The following UBE2QL1 variants were observed in gnomAD, a reference collection of about 807,000 sequenced individuals.
UBE2QL1 encodes the protein ubiquitin conjugating enzyme E2 QL1, also known as ubiquitin-conjugating enzyme E2Q-like protein 1.
Under a neutral mutation model 12.6 loss-of-function variants are expected in UBE2QL1, and 5 were observed. That is an observed-to-expected ratio of 0.40 (90% CI 0.21 to 0.83). The LOEUF (loss-of-function observed/expected upper bound fraction) is 0.83, where lower values mean the gene tolerates loss of function less well. UBE2QL1 is among the 40% of genes least tolerant of loss of function. The probability of loss-of-function intolerance (pLI) is 0.37; values close to 1 mark genes in which losing one functional copy is unlikely to be tolerated. For synonymous variants in UBE2QL1, 96 were observed against 94.5 expected, an observed-to-expected ratio of 1.02 and a Z score of -0.10; for missense variants, 99 against 222.6, an observed-to-expected ratio of 0.44 and a Z score of 3.53.
intron 1 of UBE2QL1, among the ~76,000 whole-genome samples, chr5:6,464,242 C>G (rs1336388620): frequency 1.3e-5 from 2 of 152,196 alleles, no homozygotes; most frequent in African/African-American, 4.8e-5. Context: ...ACATTTGGCA[C>G]CTGCTAACCA....
At chr5:6,457,147 C>A (rs1003619025) in intron 1 of UBE2QL1, among the ~76,000 whole-genome samples, 13 of 151,942 alleles carry the variant, frequency 8.6e-5, no homozygotes, top group Admixed American at 1.3e-4. Flanking sequence ...GCTCAAGTTT[C>A]CCAGCACTGT....
At chr5:6,477,004 C>T (rs1734248236) in intron 1 of UBE2QL1, among the ~76,000 whole-genome samples, 1 of 152,162 alleles carries the variant, frequency 6.6e-6, no homozygotes, top group Non-Finnish European at 1.5e-5. Context: ...ACCACCAGCC[C>T]ACACCAGTGC....
intron 1 of UBE2QL1, among the ~76,000 whole-genome samples, chr5:6,486,315 C>T (rs1245773713): frequency 1.4e-5 from 2 of 144,736 alleles, no homozygotes; most frequent in Admixed American, 6.7e-5. Context: ...CACAAGCACA[C>T]ACACACACAA....
chr5:6,484,629 G>A (rs895973141), intron 1 of UBE2QL1, among the ~76,000 whole-genome samples: 1 of 152,122 alleles, frequency 6.6e-6, no homozygotes, highest in Admixed American at 6.5e-5. Context: ...CAGTCACCGT[G>A]GCACTTGCGG....
Position 6,495,170 on chromosome 5 carries a change from G to C in UBE2QL1, c.*3821G>C, listed in dbSNP as rs1280403855. On this transcript the variant is annotated 3_prime_UTR_variant, in exon 2 of 2. Coordinates refer to ENST00000399816, the MANE Select transcript of UBE2QL1 (RefSeq NM_001145161.3). ...TCACTGGCCCTGAACGGGAGAACTG[G>C]AGTCCCCTTGCCACCTCTCACCTGC... Among the ~76,000 whole-genome samples, 1 of 152,166 alleles carries C rather than the reference G, an allele frequency of 6.6e-6. No homozygotes were observed. Among genetic ancestry groups the C allele is most frequent in the Non-Finnish European group, 1.5e-5 (1 of 68,032 alleles).
At chr5:6,454,717 C>T (rs921558201) in intron 1 of UBE2QL1, among the ~76,000 whole-genome samples, 5 of 152,086 alleles carry the variant, frequency 3.3e-5, no homozygotes, top group Non-Finnish European at 5.9e-5. Context: ...GCTAGAACAA[C>T]CTAGAGCAAA....
chr5:6,470,822 C>T (rs185751308), intron 1 of UBE2QL1, among the ~76,000 whole-genome samples: 1 of 152,306 alleles, frequency 6.6e-6, no homozygotes, highest in Admixed American at 6.5e-5. Context: ...GGGAAACTCC[C>T]AGAAGTGGGG....
At chr5:6,469,546 CAT>C (rs1739864235) in intron 1 of UBE2QL1, among the ~76,000 whole-genome samples, 1 of 145,262 alleles carries the variant, frequency 6.9e-6, no homozygotes, top group South Asian at 2.2e-4. Context: ...TTAGATTATA[CAT>C]ATATATAATC....
chr5:6,484,259 C>A (rs1430101954), intron 1 of UBE2QL1, among the ~76,000 whole-genome samples: 3 of 152,146 alleles, frequency 2.0e-5, no homozygotes, highest in Non-Finnish European at 2.9e-5. Context: ...GCAGGGAGGG[C>A]TGGTCTGCAT....
chr5:6,451,526 A>G (rs140465159), intron 1 of UBE2QL1, among the ~76,000 whole-genome samples: 1 of 152,334 alleles, frequency 6.6e-6, no homozygotes, highest in Non-Finnish European at 1.5e-5. Flanking sequence ...AACTGAACCC[A>G]TTGCCCTCCA....
chr5:6,475,916 C>G (rs918003074), intron 1 of UBE2QL1, among the ~76,000 whole-genome samples: 11 of 152,198 alleles, frequency 7.2e-5, no homozygotes, highest in African/African-American at 2.7e-4. Context: ...CGCACAGGCT[C>G]TCCAGGGCCT....
intron 1 of UBE2QL1, among the ~76,000 whole-genome samples, chr5:6,457,572 G>A (rs776208571): frequency 6.6e-6 from 1 of 151,540 alleles, no homozygotes; most frequent in Non-Finnish European, 1.5e-5. Flanking sequence ...CAACGTAAGT[G>A]CTTACTGTGG....
At chr5:6,489,423 G>GT (rs1734523717) in intron 1 of UBE2QL1, among the ~76,000 whole-genome samples, 1 of 131,646 alleles carries the variant, frequency 7.6e-6, no homozygotes, top group Non-Finnish European at 1.5e-5. Context: ...GATCCTGTCT[G>GT]TAAAAAAAAA....
chr5:6,459,447 C>G (rs1484195204), intron 1 of UBE2QL1, among the ~76,000 whole-genome samples: 1 of 152,138 alleles, frequency 6.6e-6, no homozygotes, highest in Non-Finnish European at 1.5e-5. Flanking sequence ...GGTGACCAAC[C>G]ACAGGAGTCC....
At chr5:6,459,931 G>A (rs546531637) in intron 1 of UBE2QL1, among the ~76,000 whole-genome samples, 196 of 152,182 alleles carry the variant, frequency 1.3e-3, no homozygotes, top group African/African-American at 4.5e-3. Context: ...TATATACCCG[G>A]AGGAGTGCAT....
At chr5:6,482,297 GC>G (rs1734378199) in intron 1 of UBE2QL1, among the ~76,000 whole-genome samples, 1 of 152,080 alleles carries the variant, frequency 6.6e-6, no homozygotes, top group Non-Finnish European at 1.5e-5. Context: ...GTTGTTTCAA[GC>G]CCCCAGTTGG....
intron 1 of UBE2QL1, among the ~76,000 whole-genome samples, chr5:6,455,454 C>CT (rs746700128): frequency 4.6e-5 from 7 of 152,166 alleles, no homozygotes; most frequent in Non-Finnish European, 7.3e-5. Flanking sequence ...GAGGTTGTTG[C>CT]TGCCCTAGAT....
chr5:6,491,678 C>A lies in UBE2QL1; in HGVS notation c.*329C>A. On this transcript the variant is annotated 3_prime_UTR_variant, in exon 2 of 2. Transcript: ENST00000399816. ...CCTGAGCTTCTTTCCATGACAGCAGCTCCGACGAGCCGGCAGGAAACTCAA... is the reference window on the plus strand; with the variant it reads ...CCTGAGCTTCTTTCCATGACAGCAGATCCGACGAGCCGGCAGGAAACTCAA... 5.5e-6 allele frequency: 1 copy of A among 180,906 alleles called. No homozygotes were observed. Among genetic ancestry groups the A allele is most frequent in the Admixed American group, 6.0e-5 (1 of 16,788 alleles). The allele number at this position is 180,906 out of a possible 1,614,324, so 11.2% of individuals were successfully genotyped here.
chr5:6,496,397 C>T lies in UBE2QL1; in HGVS notation c.*5048C>T, dbSNP rs905551131. Among the ~76,000 whole-genome samples, 9 of 152,184 alleles carry T rather than the reference C, an allele frequency of 5.9e-5. No individual in the cohort carries two copies. Among genetic ancestry groups the T allele is most frequent in the Non-Finnish European group, 7.3e-5 (5 of 68,030 alleles). On this transcript the variant is annotated 3_prime_UTR_variant, in exon 2 of 2. Transcript: ENST00000399816. Reference sequence around the variant, plus strand: ...TCATTCCTGCCTGCCTTCTCTACAACGTGACTTCATTTCATGAATGTGGTT... The same window carrying T: ...TCATTCCTGCCTGCCTTCTCTACAATGTGACTTCATTTCATGAATGTGGTT...
Sources: gnomAD v4.1 joint callset for allele counts (sites outside exome capture counted in the v4.1 genomes callset) on GRCh38, gnomAD v4.1.1 for gene constraint, MANE v1.5 for transcripts, NCBI Gene and HGNC (gene_info 2026-07-23, HGNC 2026-07-21) for gene names.